PC: variants seen among roughly 807,000 people sequenced by gnomAD.
The protein encoded by PC is pyruvate carboxylase, mitochondrial.
A neutral mutation model predicts 107.8 loss-of-function variants in PC; 46 were observed. The observed-to-expected ratio is 0.43, with a 90% confidence interval of 0.34 to 0.55. PC has a LOEUF of 0.55. PC is among the 20% of genes least tolerant of loss of function. The pLI is 0.04. For synonymous variants in PC, 662 were observed against 684.7 expected (o/e 0.97, Z 0.52); for missense variants, 1,241 against 1,643.1 (o/e 0.76, Z 4.23).
intron 3 of PC, among the ~76,000 whole-genome samples, chr11:66,928,520 T>C (rs1039749664): frequency 2.0e-5 from 3 of 150,882 alleles, no homozygotes; most frequent in Non-Finnish European, 4.5e-5. Context: ...TGAGCATTAA[T>C]TATTATTATT....
intron 12 of PC, chr11:66,859,646 A>C (rs769105380): frequency 5.6e-6 from 9 of 1,612,840 alleles, no homozygotes; most frequent in Middle Eastern, 1.7e-4. Context: ...GGATTGTCCC[A>C]GCCTCCAGCC....
intron 13 of PC, 48 bp downstream of exon 13, chr11:66,853,191 G>A: frequency 6.2e-7 from 1 of 1,602,712 alleles, no homozygotes; most frequent in Non-Finnish European, 8.5e-7. Flanking sequence ...CAAGAGATTG[G>A]AGAGCGGAGG....
chr11:66,870,189 C>T lies in PC; in HGVS notation c.903+113G>A, dbSNP rs1305205993. The T allele has an allele frequency of 2.3e-6, 3 of 1,321,422 alleles. No individual in the cohort carries two copies. The highest frequency in any genetic ancestry group is 2.4e-5 in the East Asian group (1 of 42,362). 81.9% of individuals were successfully genotyped at this position (1,321,422 alleles called of 1,614,324 possible). Reference sequence around the variant, plus strand: ...AGTCCTTCACCCTCTTCTCCCCATCCCCAGTCCCCAGAAGGGGACTCAGGG... The same window carrying T: ...AGTCCTTCACCCTCTTCTCCCCATCTCCAGTCCCCAGAAGGGGACTCAGGG... On this transcript the variant is annotated intron_variant, in intron 9 of 22. Transcript: ENST00000393960. This position sits in a 1 kb window ranked among gnomAD's most constrained non-coding sequence, Gnocchi z 6.1.
intron 3 of PC, among the ~76,000 whole-genome samples, chr11:66,920,568 C>T (rs1266901233): frequency 6.6e-6 from 1 of 152,086 alleles, no homozygotes; most frequent in African/African-American, 2.4e-5. Context: ...GAGAGCCAAC[C>T]CTATAAGCAA....
chr11:66,864,839 G>A (rs560428587), intron 11 of PC, among the ~76,000 whole-genome samples: 2 of 152,204 alleles, frequency 1.3e-5, no homozygotes, highest in African/African-American at 2.4e-5. Flanking sequence ...CGGAGGTGGG[G>A]GACCCGTCAG....
At chr11:66,859,421 C>G (rs1023514342) in intron 12 of PC, among the ~76,000 whole-genome samples, 2 of 152,156 alleles carry the variant, frequency 1.3e-5, no homozygotes, top group African/African-American at 4.8e-5. Context: ...CTGGTGCCAT[C>G]CCCCCACCCC....
intron 2 of PC, among the ~76,000 whole-genome samples, chr11:66,952,832 C>T (rs1399134830): frequency 6.6e-6 from 1 of 152,156 alleles, no homozygotes; most frequent in Non-Finnish European, 1.5e-5. Context: ...TGTGAGCCAC[C>T]GCACCCGGCC....
chr11:66,916,185 G>C (rs149243147), intron 3 of PC, among the ~76,000 whole-genome samples: 31 of 152,310 alleles, frequency 2.0e-4, no homozygotes, highest in Admixed American at 2.0e-4. Context: ...CTTAGCGTAG[G>C]TCAGGCCAGG....
At position 66,871,517 on chromosome 11, in the gene PC, A is replaced by G. The variant is rs746194546; in HGVS notation, c.322-37T>C. On this transcript the variant is annotated intron_variant, in intron 5 of 22. Coordinates refer to ENST00000393960, the MANE Select transcript of PC (RefSeq NM_001040716.2). The surrounding 1 kb of genome is among the most constrained non-coding windows in gnomAD (Gnocchi z 7.4). The stretch of plus-strand genomic sequence containing the variant: ...GGTCAGGGAGAGGACGGTACCTTGC[A>G]GTCCCTTCCAAGGCCTCGGCCAGCC... 1.9e-6 allele frequency: 3 copies of G among 1,611,222 alleles called. No homozygotes were observed. In the Admixed American group the frequency reaches 5.0e-5, roughly 27 times the overall value.
chr11:66,852,775 C>T lies in PC; in HGVS notation c.1575G>A (p.Thr525=), dbSNP rs143833575. The change falls in exon 14 of 23, where the codon ACG becomes ACA. Residue 525 remains threonine (T), a synonymous_variant. Transcript: ENST00000393960. The surrounding 1 kb of genome is among the most constrained non-coding windows in gnomAD (Gnocchi z 4.7). ...PIPVKASPSP[T]DPVVPAVPIG... Reference sequence around the variant, plus strand: ...TGGGCACTGCAGGGACAACGGGGTCCGTGGGGCTGGGGCTGGCCTTGACGG... The same window carrying T: ...TGGGCACTGCAGGGACAACGGGGTCTGTGGGGCTGGGGCTGGCCTTGACGG... 47 of 1,603,360 alleles carry T rather than the reference C, an allele frequency of 2.9e-5. 1 individual carries two copies. The highest frequency in any genetic ancestry group is 3.3e-4 in the Middle Eastern group (2 of 6,012).
intron 3 of PC, among the ~76,000 whole-genome samples, chr11:66,911,894 T>A (rs1321051616): frequency 6.6e-6 from 1 of 151,812 alleles, no homozygotes; most frequent in Non-Finnish European, 1.5e-5. Context: ...TAGCCGGGTG[T>A]GGTGGCACAT....
rs1462247241 is a variant in PC at position 66,933,339 on chromosome 11, C to T, written c.-1+19091G>A. On this transcript the variant is annotated intron_variant, in intron 3 of 22. Coordinates refer to ENST00000393960, the MANE Select transcript of PC (RefSeq NM_001040716.2). ...CTCAAGAATCTTCAGGCCCTACCAG[C>T]CCTTTCTCCTCTCTGGGTAACATTT... 2.6e-5 allele frequency among the ~76,000 whole-genome samples: 4 copies of T among 152,278 alleles called. No homozygotes were observed. In the East Asian group the frequency reaches 7.7e-4, roughly 29 times the overall value.
intron 3 of PC, among the ~76,000 whole-genome samples, chr11:66,948,293 C>A (rs1337007851): frequency 6.6e-6 from 1 of 151,002 alleles, no homozygotes; most frequent in Non-Finnish European, 1.5e-5. Context: ...TAAAAGAAGG[C>A]AGAGAAAAAA....
rs1032219821 is a variant in PC, at chr11:66,857,759, C to T, written c.1369-4376G>A. ...GGGCGCTCACCATGGCCCCGCCGCT[C>T]CTGCTGCTGCTGCTGGCCAGTGGAG... On this transcript the variant is annotated intron_variant, in intron 12 of 22. Transcript: ENST00000393960. This position sits in a 1 kb window ranked among gnomAD's most constrained non-coding sequence, Gnocchi z 7.1. The T allele has an allele frequency of 2.2e-5, 35 of 1,592,918 alleles. No homozygotes were observed. The highest frequency in any genetic ancestry group is 2.7e-5 in the Non-Finnish European group (32 of 1,176,172).
chr11:66,875,523 C>T (rs1946941190), intron 3 of PC, among the ~76,000 whole-genome samples: 1 of 152,054 alleles, frequency 6.6e-6, no homozygotes. Flanking sequence ...CCTGCGTCTT[C>T]AGGCCCACTG....
chr11:66,854,802 C>T (rs1378255911), intron 12 of PC, among the ~76,000 whole-genome samples: 1 of 152,258 alleles, frequency 6.6e-6, no homozygotes, highest in East Asian at 1.9e-4. Context: ...CTGTCAGGTG[C>T]TCACCACAGA....
At chr11:66,853,828 GCTT>G (rs1945651527) in intron 12 of PC, among the ~76,000 whole-genome samples, 1 of 152,204 alleles carries the variant, frequency 6.6e-6, no homozygotes, top group Admixed American at 6.5e-5. Flanking sequence ...CGTTCCCTGG[GCTT>G]CCAAGCCATC....
Position 66,850,797 on chromosome 11 carries a change from G to C in PC, c.2350C>G (p.Leu784Val), listed in dbSNP as rs1434320749. ...DTSGAGVAAM[L>V]ACAQAGADVV... The stretch of plus-strand genomic sequence containing the variant: ...TCAGCTCCAGCCTGGGCACAGGCCA[G>C]CATGGCTGCCACGCCTGCCCCTGAC... The change falls in exon 18 of 23, where the codon CTG becomes GTG. Residue 784 changes from leucine to valine, a missense_variant. Transcript: ENST00000393960. The C allele has an allele frequency of 1.6e-5, 25 of 1,611,476 alleles. No individual in the cohort carries two copies. Among genetic ancestry groups the C allele is most frequent in the Non-Finnish European group, 2.1e-5 (25 of 1,179,982 alleles).
Position 66,852,998 on chromosome 11 carries a change from G to A in PC, c.1514-162C>T, listed in dbSNP as rs1945596174. ...CCAAAGCCAGGGCCTCCTGGGTACA[G>A]GCAGTGGGGACGTCTTGAGGACCAC... On this transcript the variant is annotated intron_variant, in intron 13 of 22. Coordinates refer to ENST00000393960, the MANE Select transcript of PC (RefSeq NM_001040716.2). The surrounding 1 kb of genome is among the most constrained non-coding windows in gnomAD (Gnocchi z 4.7). 2 of 702,294 alleles carry A rather than the reference G, an allele frequency of 2.8e-6. No individual in the cohort carries two copies. Among genetic ancestry groups the A allele is most frequent in the East Asian group, 2.7e-5 (1 of 36,870 alleles). The allele number at this position is 702,294 out of a possible 1,614,324, so 43.5% of individuals were successfully genotyped here.
Sources: gnomAD v4.1 joint callset for allele counts (sites outside exome capture counted in the v4.1 genomes callset) on GRCh38, gnomAD v4.1.1 for gene constraint, Gnocchi (gnomAD v3.1) non-coding constraint, MANE v1.5 for transcripts, NCBI Gene and HGNC (gene_info 2026-07-23, HGNC 2026-07-21) for gene names.